The following SCHIP1 variants were observed in gnomAD, a reference collection of about 807,000 sequenced individuals.
SCHIP1 encodes schwannomin-interacting protein 1.
SCHIP1 carries 8 observed loss-of-function variants against 29.7 expected under a neutral mutation model. That is an observed-to-expected ratio of 0.27 (90% confidence interval 0.16 to 0.49). The LOEUF is 0.49. Among genes scored for constraint, SCHIP1 ranks in the 20% least tolerant of loss-of-function variants. The pLI, the probability that SCHIP1 is intolerant of heterozygous loss-of-function variation, is 0.99. For synonymous variants in SCHIP1, 76 were observed against 94.9 expected, an observed-to-expected ratio of 0.80 and a Z score of 1.16; for missense variants, 193 against 294.6, an observed-to-expected ratio of 0.66 and a Z score of 2.52.
the SCHIP1 span, among the ~76,000 whole-genome samples, chr3:159,465,082 T>C: frequency 2.6e-5 from 4 of 152,062 alleles, no homozygotes; most frequent in Non-Finnish European, 5.9e-5. Flanking sequence ...TGTCCTCCTC[T>C]CCACAAGTAA....
At chr3:159,751,274 T>TA in the SCHIP1 span, among the ~76,000 whole-genome samples, 570 of 152,172 alleles carry the variant, frequency 3.7e-3, 3 homozygotes, top group African/African-American at 0.013. Flanking sequence ...AAGGTTGCTT[T>TA]AAAAAAACAA....
the SCHIP1 span, among the ~76,000 whole-genome samples, chr3:159,456,486 A>G: frequency 6.6e-6 from 1 of 152,186 alleles, no homozygotes; most frequent in Non-Finnish European, 1.5e-5. Flanking sequence ...AAGAGATCTT[A>G]CAAGAAATCT....
the SCHIP1 span, among the ~76,000 whole-genome samples, chr3:159,488,984 T>C: frequency 6.6e-6 from 1 of 152,208 alleles, no homozygotes; most frequent in Non-Finnish European, 1.5e-5. Context: ...CTTTTTTTAG[T>C]ACATGCTTAT....
At chr3:159,317,057 G>A in the SCHIP1 span, among the ~76,000 whole-genome samples, 1 of 152,140 alleles carries the variant, frequency 6.6e-6, no homozygotes, top group Non-Finnish European at 1.5e-5. Context: ...AAAGGTCTGG[G>A]TCATTTGTAG....
chr3:159,521,725 A>C, the SCHIP1 span, among the ~76,000 whole-genome samples: 4 of 152,256 alleles, frequency 2.6e-5, no homozygotes, highest in Non-Finnish European at 5.9e-5. Flanking sequence ...AACCTCTGAA[A>C]TATAACAGTA....
the SCHIP1 span, among the ~76,000 whole-genome samples, chr3:159,422,244 T>C: frequency 6.6e-6 from 1 of 152,172 alleles, no homozygotes; most frequent in Non-Finnish European, 1.5e-5. Flanking sequence ...ATGAAAAGGA[T>C]GGAAGCATGT....
chr3:159,714,231 G>C, the SCHIP1 span, among the ~76,000 whole-genome samples: 1 of 152,114 alleles, frequency 6.6e-6, no homozygotes, highest in Non-Finnish European at 1.5e-5. Flanking sequence ...GCGAGATCCT[G>C]TCTCAAAAAA....
the SCHIP1 span, among the ~76,000 whole-genome samples, chr3:159,617,239 G>T: frequency 6.6e-6 from 1 of 152,174 alleles, no homozygotes; most frequent in Admixed American, 6.5e-5. Flanking sequence ...AGAGTATGGT[G>T]CTTTGGCATG....
At chr3:159,636,154 T>G in the SCHIP1 span, among the ~76,000 whole-genome samples, 1 of 152,254 alleles carries the variant, frequency 6.6e-6, no homozygotes, top group Non-Finnish European at 1.5e-5. Context: ...GTTCAAGTGA[T>G]TCTCCTGCCT....
chr3:159,718,036 T>G, the SCHIP1 span, among the ~76,000 whole-genome samples: 1 of 152,202 alleles, frequency 6.6e-6, no homozygotes, highest in African/African-American at 2.4e-5. Flanking sequence ...TACACCGTGA[T>G]TAAGTGGGCT....
chr3:159,633,390 A>C, the SCHIP1 span, among the ~76,000 whole-genome samples: 1 of 152,140 alleles, frequency 6.6e-6, no homozygotes, highest in Non-Finnish European at 1.5e-5. Flanking sequence ...GAAAGGTACC[A>C]CCAATGCCCG....
chr3:159,405,222 C>A, the SCHIP1 span, among the ~76,000 whole-genome samples: 1 of 152,124 alleles, frequency 6.6e-6, no homozygotes, highest in African/African-American at 2.4e-5. Flanking sequence ...CCTAACTCTT[C>A]ATTGCCCAGA....
At chr3:159,499,186 A>G in the SCHIP1 span, among the ~76,000 whole-genome samples, 1 of 152,134 alleles carries the variant, frequency 6.6e-6, no homozygotes, top group Non-Finnish European at 1.5e-5. Flanking sequence ...CTACTGAATT[A>G]CTCATACCAT....
At chr3:159,851,857 T>G (rs1272263040) in intron 1 of SCHIP1, among the ~76,000 whole-genome samples, 5 of 152,202 alleles carry the variant, frequency 3.3e-5, no homozygotes, top group African/African-American at 4.8e-5. Context: ...GGAGATCTCT[T>G]CCAGGGAAAA....
chr3:159,795,082 G>A, the SCHIP1 span, among the ~76,000 whole-genome samples: 2 of 152,184 alleles, frequency 1.3e-5, no homozygotes, highest in African/African-American at 4.8e-5. Flanking sequence ...CAGTAAAGGA[G>A]CGGTGAACTG....
chr3:159,872,634 G>T (rs944731131), intron 2 of SCHIP1, among the ~76,000 whole-genome samples: 15 of 152,102 alleles, frequency 9.9e-5, no homozygotes, highest in Admixed American at 3.3e-4. Flanking sequence ...CCACATTCTG[G>T]GATGAGATCA....
the SCHIP1 span, among the ~76,000 whole-genome samples, chr3:159,510,132 C>T: frequency 6.6e-6 from 1 of 152,182 alleles, no homozygotes; most frequent in Non-Finnish European, 1.5e-5. Flanking sequence ...GGTCTTTTCA[C>T]ATAGTCCCAT....
At chr3:159,417,876 G>T in the SCHIP1 span, among the ~76,000 whole-genome samples, 1 of 152,142 alleles carries the variant, frequency 6.6e-6, no homozygotes, top group Non-Finnish European at 1.5e-5. Flanking sequence ...GCCTGCCAGG[G>T]TATATGAGGC....
chr3:159,689,264 CTT>C, the SCHIP1 span, among the ~76,000 whole-genome samples: 1 of 152,090 alleles, frequency 6.6e-6, no homozygotes, highest in Non-Finnish European at 1.5e-5. Context: ...TGTGTCCTCT[CTT>C]ATTTCCTTGA....
Sources: gnomAD v4.1 joint callset for allele counts (sites outside exome capture counted in the v4.1 genomes callset) on GRCh38, gnomAD v4.1.1 for gene constraint, MANE v1.5 for transcripts, NCBI Gene and HGNC (gene_info 2026-07-23, HGNC 2026-07-21) for gene names.